Variants in TMEM65 observed in about 807,000 individuals in gnomAD.
The protein encoded by TMEM65 is transmembrane protein 65.
A neutral mutation model predicts 25.4 loss-of-function variants in TMEM65; 22 were observed. That is an observed-to-expected ratio of 0.86 (90% CI 0.62 to 1.23). The LOEUF (loss-of-function observed/expected upper bound fraction) is 1.23. Among genes scored for constraint, TMEM65 ranks in the 50% most tolerant of loss-of-function variants. The pLI is 0.00. For synonymous variants in TMEM65, 132 were observed against 126.2 expected, an observed-to-expected ratio of 1.05 and a Z score of -0.31; for missense variants, 262 against 308.2, an observed-to-expected ratio of 0.85 and a Z score of 1.12.
chr8:124,339,365 CAA>C (rs11320495), intron 1 of TMEM65, among the ~76,000 whole-genome samples: 1 of 148,562 alleles, frequency 6.7e-6, no homozygotes, highest in Non-Finnish European at 1.5e-5. Context: ...CAAGCTATAG[CAA>C]AAAAGTTATT....
chr8:124,326,782 T>C (rs539764063), intron 3 of TMEM65, among the ~76,000 whole-genome samples: 25 of 152,198 alleles, frequency 1.6e-4, no homozygotes, highest in African/African-American at 6.0e-4. Flanking sequence ...CAGCCATCTC[T>C]GAGCTTAAAC....
rs144597246 is a variant in TMEM65, at chr8:124,366,655, C to T, written c.304+5199G>A. On this transcript the variant is annotated intron_variant, in intron 1 of 6. Coordinates refer to ENST00000297632, the MANE Select transcript of TMEM65 (RefSeq NM_194291.3). ...ATTTGAAGTCACACGTAACTCTGGA[C>T]ATGTTATATGTAAGTGATGATTAAA... Among the ~76,000 whole-genome samples the T allele has an allele frequency of 2.5e-3, 379 of 151,794 alleles. 1 individual carries two copies. The highest frequency in any genetic ancestry group is 7.9e-3 in the African/African-American group (327 of 41,382).
At position 124,312,300 on chromosome 8, in the gene TMEM65, T is replaced by A. The variant is rs1378483380; in HGVS notation, c.*1660A>T. The A allele has an allele frequency of 6.7e-6, 1 of 150,148 alleles. No homozygotes were observed. The highest frequency in any genetic ancestry group is 1.5e-5 in the Non-Finnish European group (1 of 66,558). The allele number at this position is 150,148 out of a possible 1,614,324, so 9.3% of individuals were successfully genotyped here. ...GTAAGAATGTCACATTATTTGTGCA[T>A]GTTATATATTTATTTTTAGATTATA... On this transcript the variant is annotated 3_prime_UTR_variant, in exon 7 of 7. Coordinates refer to ENST00000297632, the MANE Select transcript of TMEM65 (RefSeq NM_194291.3).
At position 124,356,015 on chromosome 8, in the gene TMEM65, T is replaced by C. The variant is rs147602087; in HGVS notation, c.304+15839A>G. 9.2e-3 allele frequency among the ~76,000 whole-genome samples: 1,394 copies of C among 152,296 alleles called. 13 individuals are homozygous for C. Among genetic ancestry groups the C allele is most frequent in the Middle Eastern group, 0.027 (8 of 294 alleles). On this transcript the variant is annotated intron_variant, in intron 1 of 6. Coordinates refer to ENST00000297632, the MANE Select transcript of TMEM65 (RefSeq NM_194291.3). ...GAAAGCCCTAAGAAAGTGCCCATTGTAGTAGAAACCTGAAGGAGGGGAATA... is the reference window on the plus strand; with the variant it reads ...GAAAGCCCTAAGAAAGTGCCCATTGCAGTAGAAACCTGAAGGAGGGGAATA...
At chr8:124,314,123 A>T in intron 6 of TMEM65, 62 bp from the exon 7 acceptor site, 3 of 1,308,168 alleles carry the variant, frequency 2.3e-6, no homozygotes, top group Admixed American at 3.7e-5. Context: ...GAAGGCAGAG[A>T]AAAAATCTCA....
At chr8:124,357,797 C>CT (rs900884421) in intron 1 of TMEM65, among the ~76,000 whole-genome samples, 665 of 58,980 alleles carry the variant, frequency 0.011, 8 homozygotes, top group African/African-American at 0.043. Context: ...TCAGACAAAC[C>CT]TTTTTTTTTA....
intron 1 of TMEM65, among the ~76,000 whole-genome samples, chr8:124,331,105 G>A (rs1440394730): frequency 6.6e-6 from 1 of 151,588 alleles, no homozygotes; most frequent in Non-Finnish European, 1.5e-5. Flanking sequence ...GAGTCTGTTT[G>A]CATTAATTAC....
Position 124,306,514 on chromosome 8 carries a change from T to C in TMEM65, c.*7446A>G, listed in dbSNP as rs1361139306. On this transcript the variant is annotated 3_prime_UTR_variant, in exon 7 of 7. Transcript: ENST00000297632. Reference sequence around the variant, plus strand: ...AAATTTTTTTGGAAATTTGCAACAATTTAAAAAACTTGCAGATGCACCATG... The same window carrying C: ...AAATTTTTTTGGAAATTTGCAACAACTTAAAAAACTTGCAGATGCACCATG... 1 of 152,262 alleles carries C rather than the reference T, an allele frequency of 6.6e-6. No individual in the cohort carries two copies. The highest frequency in any genetic ancestry group is 1.5e-5 in the Non-Finnish European group (1 of 68,144). 9.4% of individuals were successfully genotyped at this position (152,262 alleles called of 1,614,324 possible).
chr8:124,370,686 G>A (rs933470970), intron 1 of TMEM65, among the ~76,000 whole-genome samples: 10 of 152,168 alleles, frequency 6.6e-5, no homozygotes, highest in Non-Finnish European at 1.0e-4. Context: ...TTCTGAAGTA[G>A]TACAGATAAC....
At chr8:124,361,384 G>A (rs1429553006) in intron 1 of TMEM65, among the ~76,000 whole-genome samples, 4 of 149,958 alleles carry the variant, frequency 2.7e-5, no homozygotes, top group Admixed American at 6.7e-5. Context: ...GCGGTGAGCC[G>A]AGACTGCGCC....
At position 124,351,068 on chromosome 8, in the gene TMEM65, C is replaced by T. The variant is rs935528838; in HGVS notation, c.305-20276G>A. 3.0e-6 allele frequency: 3 copies of T among 984,954 alleles called. No homozygotes were observed. In the African/African-American group the frequency reaches 5.2e-5, roughly 17 times the overall value. The allele number at this position is 984,954 out of a possible 1,614,324, so 61.0% of individuals were successfully genotyped here. A position where few individuals can be genotyped will look rare whatever the true frequency, so the allele number is the denominator to read the frequency against. On this transcript the variant is annotated intron_variant, in intron 1 of 6. Transcript: ENST00000297632. ...CTATCAGGGGTCTCTGCTGAGGATA[C>T]TTCCTTCGCAAGCTTCACAATGGCA...
intron 5 of TMEM65, among the ~76,000 whole-genome samples, chr8:124,320,623 A>G (rs1454268643): frequency 6.6e-6 from 1 of 152,170 alleles, no homozygotes; most frequent in Non-Finnish European, 1.5e-5. Flanking sequence ...TCAGACAGCA[A>G]AAGTTTCCAA....
chr8:124,371,789 G>A (rs1452379995), intron 1 of TMEM65, 65 bp downstream of exon 1: 28 of 1,443,906 alleles, frequency 1.9e-5, no homozygotes, highest in Middle Eastern at 2.0e-4. Flanking sequence ...GCGGGCTCCC[G>A]GTGGGCTGGC....
chr8:124,369,596 A>T (rs1426563972), intron 1 of TMEM65, among the ~76,000 whole-genome samples: 1 of 152,224 alleles, frequency 6.6e-6, no homozygotes, highest in East Asian at 1.9e-4. Context: ...ACTTCAAAAC[A>T]TTATTCAAAA....
intron 2 of TMEM65, among the ~76,000 whole-genome samples, chr8:124,328,756 T>C (rs1225902913): frequency 6.6e-6 from 1 of 152,172 alleles, no homozygotes; most frequent in Non-Finnish European, 1.5e-5. Context: ...AATAATCCCT[T>C]AAACCAACTG....
intron 6 of TMEM65, among the ~76,000 whole-genome samples, chr8:124,318,594 T>C (rs1404164614): frequency 6.6e-6 from 1 of 151,996 alleles, no homozygotes; most frequent in Admixed American, 6.6e-5. Context: ...CAGACTGGTC[T>C]CAAACTCCTG....
Position 124,371,609 on chromosome 8 carries a change from T to C in TMEM65, c.304+245A>G, listed in dbSNP as rs1815012510. On this transcript the variant is annotated intron_variant, in intron 1 of 6. Transcript: ENST00000297632. The stretch of plus-strand genomic sequence containing the variant: ...CCGGATTCGGAGGCTGGGGAGGAAG[T>C]AGCTAGCGCTGGCCTCGGCTGCCTG... Among the ~76,000 whole-genome samples the C allele has an allele frequency of 2.0e-5, 3 of 152,208 alleles. No individual in the cohort carries two copies. In the South Asian group the frequency reaches 6.2e-4, roughly 31 times the overall value.
chr8:124,367,888 A>G (rs1237337510), intron 1 of TMEM65, among the ~76,000 whole-genome samples: 1 of 152,250 alleles, frequency 6.6e-6, no homozygotes, highest in African/African-American at 2.4e-5. Context: ...CCTAACATTG[A>G]TAGAAAAACT....
chr8:124,331,044 CATTT>C (rs1448319346), intron 1 of TMEM65, among the ~76,000 whole-genome samples: 1 of 151,868 alleles, frequency 6.6e-6, no homozygotes, highest in Non-Finnish European at 1.5e-5. Context: ...TGGGTAAGTT[CATTT>C]GTTTTTTGTT....
Sources: gnomAD v4.1 joint callset for allele counts (sites outside exome capture counted in the v4.1 genomes callset) on GRCh38, gnomAD v4.1.1 for gene constraint, MANE v1.5 for transcripts, NCBI Gene and HGNC (gene_info 2026-07-23, HGNC 2026-07-21) for gene names.